Variants in ZFC3H1 observed in about 807,000 individuals in gnomAD.
ZFC3H1 encodes zinc finger C3H1 domain-containing protein.
ZFC3H1 carries 71 observed loss-of-function variants against 243.7 expected under a neutral mutation model. The observed-to-expected ratio is 0.29, with a 90% CI of 0.24 to 0.36. The LOEUF (loss-of-function observed/expected upper bound fraction) is 0.36, where lower values mean the gene tolerates loss of function less well. ZFC3H1 is among the 10% of genes least tolerant of loss of function. The probability of loss-of-function intolerance (pLI) is 1.00; values close to 1 mark genes in which losing one functional copy is unlikely to be tolerated. For synonymous variants in ZFC3H1, 838 were observed against 813.0 expected (o/e 1.03, Z -0.52); for missense variants, 1,966 against 2,317.1 (o/e 0.85, Z 3.11).
At chr12:71,651,492 G>A (rs577610645) in intron 2 of ZFC3H1, among the ~76,000 whole-genome samples, 136 of 152,186 alleles carry the variant, frequency 8.9e-4, no homozygotes, top group African/African-American at 3.1e-3. Context: ...TTATTTCCAA[G>A]AGCCTGGAAT....
In ZFC3H1 at chr12:71,620,061, C is replaced by A. The variant is rs940771883; in HGVS notation, c.4914G>T (p.Leu1638Phe). ...LLESCPINCQ[L>F]LEALVALYLQ... ...AATATAATGCAACAAGAGCTTCCAG[C>A]AACTGGCAGTTAATAGGACATGATT... Residue 1638 changes from leucine (L) to phenylalanine (F), a missense_variant, in exon 26 of 35, where the codon TTG (leucine) becomes TTT (phenylalanine). Leu to Phe is a conservative substitution (Grantham distance 22, BLOSUM62 0). Coordinates refer to ENST00000378743, the MANE Select transcript of ZFC3H1 (RefSeq NM_144982.5). 1 of 1,613,306 alleles carries A rather than the reference C, an allele frequency of 6.2e-7. No individual in the cohort carries two copies. Among genetic ancestry groups the A allele is most frequent in the Non-Finnish European group, 8.5e-7 (1 of 1,179,890 alleles).
Position 71,609,765 on chromosome 12 carries a change from CTT to C in ZFC3H1, c.*661_*662del. On this transcript the variant is annotated 3_prime_UTR_variant, in exon 35 of 35. Coordinates refer to ENST00000378743, the MANE Select transcript of ZFC3H1 (RefSeq NM_144982.5). The stretch of plus-strand genomic sequence containing the variant: ...AAATTGCACATAATATTTGACCACT[CTT>C]AGGTTCTGATGCACTGGCATTTGCA... The C allele has an allele frequency of 6.6e-6, 1 of 152,592 alleles. No homozygotes were observed. 9.5% of individuals were successfully genotyped at this position (152,592 alleles called of 1,614,324 possible).
rs139112864 is a variant in ZFC3H1 at position 71,623,135 on chromosome 12, G to A, written c.4744+225C>T. Among the ~76,000 whole-genome samples, 18 of 152,048 alleles carry A rather than the reference G, an allele frequency of 1.2e-4. No homozygotes were observed. The East Asian group carries it at 3.1e-3, about 26-fold the overall frequency. ...AGATATCCTTTGCCACAATCAGAAA[G>A]ATAAACAATGTAATATCGTGCAGTT... On this transcript the variant is annotated intron_variant, in intron 24 of 34. Transcript: ENST00000378743.
At position 71,610,345 on chromosome 12, in the gene ZFC3H1, C is replaced by T. The variant is rs887433472; in HGVS notation, c.*83G>A. On this transcript the variant is annotated 3_prime_UTR_variant, in exon 35 of 35. Transcript: ENST00000378743. The stretch of plus-strand genomic sequence containing the variant: ...CTTGTCTGCCTTACACAGACCTTAG[C>T]CAGGGATCAGCCTAATCTTGAAGAA... 6.7e-7 allele frequency: 1 copy of T among 1,499,956 alleles called. No homozygotes were observed. The highest frequency in any genetic ancestry group is 1.4e-5 in the African/African-American group (1 of 71,608). 92.9% of individuals were successfully genotyped at this position (1,499,956 alleles called of 1,614,324 possible).
intron 33 of ZFC3H1, 133 bp from the exon 34 acceptor site, chr12:71,610,890 C>G: frequency 2.1e-6 from 3 of 1,413,516 alleles, no homozygotes; most frequent in Non-Finnish European, 2.9e-6. Context: ...TTGGAGTTTC[C>G]GAATATTTGG....
chr12:71,642,791 C>T (rs1006241023), intron 5 of ZFC3H1, among the ~76,000 whole-genome samples: 4 of 152,178 alleles, frequency 2.6e-5, no homozygotes, highest in African/African-American at 4.8e-5. Context: ...GCTATACAGA[C>T]GAAATCCCCC....
chr12:71,633,164 A>C lies in ZFC3H1; in HGVS notation c.2685+100T>G, dbSNP rs927152119. 6 of 1,407,570 alleles carry C rather than the reference A, an allele frequency of 4.3e-6. No individual in the cohort carries two copies. In the African/African-American group the frequency reaches 8.8e-5, roughly 21 times the overall value. 87.2% of individuals were successfully genotyped at this position (1,407,570 alleles called of 1,614,324 possible). On this transcript the variant is annotated intron_variant, in intron 13 of 34. Transcript: ENST00000378743. ...CTCAACAAGAAACTATAGGTTATGC[A>C]TATTTTGCTGGCTTTAGTATACAGT...
intron 1 of ZFC3H1, among the ~76,000 whole-genome samples, chr12:71,657,716 CG>C (rs1288424509): frequency 6.6e-6 from 1 of 152,112 alleles, no homozygotes; most frequent in African/African-American, 2.4e-5. Context: ...GGGCCAGGCG[CG>C]GTGGCTCACG....
At chr12:71,652,325 T>C (rs534898098) in intron 2 of ZFC3H1, among the ~76,000 whole-genome samples, 20 of 152,220 alleles carry the variant, frequency 1.3e-4, no homozygotes, top group Non-Finnish European at 2.6e-4. Flanking sequence ...TAAAAATATT[T>C]AATAGCCCAC....
chr12:71,651,808 A>G (rs1432735887), intron 2 of ZFC3H1, among the ~76,000 whole-genome samples: 1 of 152,222 alleles, frequency 6.6e-6, no homozygotes, highest in East Asian at 1.9e-4. Flanking sequence ...GAACACCCTA[A>G]GGAGACAATG....
intron 2 of ZFC3H1, among the ~76,000 whole-genome samples, chr12:71,653,309 T>C (rs1880937280): frequency 6.6e-6 from 1 of 152,074 alleles, no homozygotes; most frequent in African/African-American, 2.4e-5. Context: ...AGAGAATCAG[T>C]AAAACGAAAG....
At chr12:71,644,447 T>C (rs551839852) in intron 4 of ZFC3H1, 129 bp from the exon 5 acceptor site, 28 of 995,602 alleles carry the variant, frequency 2.8e-5, no homozygotes, top group Admixed American at 1.2e-4. Flanking sequence ...AAGATTGTCT[T>C]CCATTTTAGG....
intron 32 of ZFC3H1, chr12:71,611,324 G>T (rs1592580499): frequency 1.7e-4 from 43 of 255,226 alleles, no homozygotes; most frequent in East Asian, 2.6e-4. Flanking sequence ...CCAGTGTTTT[G>T]AACATAAATA....
chr12:71,658,005 A>T (rs936064071), intron 1 of ZFC3H1, among the ~76,000 whole-genome samples: 1 of 151,996 alleles, frequency 6.6e-6, no homozygotes, highest in Non-Finnish European at 1.5e-5. Flanking sequence ...AAGAAAAAAA[A>T]AAACACTTTA....
chr12:71,656,058 G>C, intron 2 of ZFC3H1, among the ~76,000 whole-genome samples: 1 of 152,154 alleles, frequency 6.6e-6, no homozygotes, highest in East Asian at 1.9e-4. Context: ...GATTCCATTA[G>C]TGTGACATTC....
At chr12:71,613,527 T>A in intron 30 of ZFC3H1, 92 bp from the exon 31 acceptor site, 1 of 749,782 alleles carries the variant, frequency 1.3e-6, no homozygotes, top group Non-Finnish European at 2.2e-6. Context: ...AAATGGTCTT[T>A]AAGATATGAA....
In ZFC3H1 at chr12:71,638,291, A is replaced by T. The variant is rs991383498; in HGVS notation, c.1725+127T>A. The T allele has an allele frequency of 1.8e-5, 16 of 874,156 alleles. No individual in the cohort carries two copies. The Admixed American group carries it at 3.1e-4, about 17-fold the overall frequency. The allele number at this position is 874,156 out of a possible 1,614,324, so 54.1% of individuals were successfully genotyped here. On this transcript the variant is annotated intron_variant, in intron 7 of 34. Coordinates refer to ENST00000378743, the MANE Select transcript of ZFC3H1 (RefSeq NM_144982.5). ...ATCAACTGTTTATTCTACGTATTTC[A>T]TTGCTATTAATTCTTGGTAAGCAAT...
chr12:71,636,995 G>C lies in ZFC3H1; in HGVS notation c.1790C>G (p.Pro597Arg). 6.2e-7 allele frequency: 1 copy of C among 1,614,048 alleles called. No individual in the cohort carries two copies. The change falls in exon 8 of 35, where the codon CCT (proline) becomes CGT (arginine). Residue 597 changes from proline (P) to arginine (R), a missense_variant. Pro to Arg is a moderately radical substitution (Grantham distance 103, BLOSUM62 -2). Coordinates refer to ENST00000378743, the MANE Select transcript of ZFC3H1 (RefSeq NM_144982.5). ...TGGGAGAGGTGGTAATGGTGGTAGA[G>C]GAGGTAGAGGTTCAAGAGAAACACA... is the stretch of plus-strand genomic sequence containing the variant. The part of the protein sequence containing the change: ...GLCVSLEPLP[P>R]LPPLPPLPPE...
chr12:71,631,764 T>A lies in ZFC3H1; in HGVS notation c.3470+14A>T, dbSNP rs1427078605. The A allele has an allele frequency of 1.9e-6, 3 of 1,560,408 alleles. No homozygotes were observed. Among genetic ancestry groups the A allele is most frequent in the African/African-American group, 1.4e-5 (1 of 71,876 alleles). ...AATCCTGAAATTCAAGCTTATTGAA[T>A]CTTTCTTTTATACCTGTAGGACTTA... On this transcript the variant is annotated intron_variant, in intron 16 of 34. Coordinates refer to ENST00000378743, the MANE Select transcript of ZFC3H1 (RefSeq NM_144982.5).
Sources: gnomAD v4.1 joint callset for allele counts (sites outside exome capture counted in the v4.1 genomes callset) on GRCh38, gnomAD v4.1.1 for gene constraint, MANE v1.5 for transcripts, NCBI Gene and HGNC (gene_info 2026-07-23, HGNC 2026-07-21) for gene names.